KIAA1217: variants seen among roughly 807,000 people sequenced by gnomAD.
KIAA1217 encodes the protein KIAA1217.
Under a neutral mutation model 163.9 loss-of-function variants are expected in KIAA1217, and 88 were observed. The observed-to-expected ratio is 0.54, with a 90% CI of 0.45 to 0.64. KIAA1217 has a LOEUF of 0.64. KIAA1217 is among the 30% of genes least tolerant of loss of function. KIAA1217 has a pLI of 0.00. For synonymous variants in KIAA1217, 903 were observed against 923.1 expected, an observed-to-expected ratio of 0.98 and a Z score of 0.39; for missense variants, 2,372 against 2,475.0, an observed-to-expected ratio of 0.96 and a Z score of 0.88.
At chr10:23,946,989 A>G (rs115259564) in intron 1 of KIAA1217, among the ~76,000 whole-genome samples, 2 of 152,048 alleles carry the variant, frequency 1.3e-5, no homozygotes, top group East Asian at 3.9e-4. Context: ...GTGAGTTCTC[A>G]TAAGATCTGA....
At chr10:24,160,112 G>A (rs766144671) in intron 2 of KIAA1217, among the ~76,000 whole-genome samples, 3 of 152,100 alleles carry the variant, frequency 2.0e-5, no homozygotes, top group African/African-American at 4.8e-5. Flanking sequence ...TCTGGATTAC[G>A]ATAAATGCAT....
At chr10:23,823,088 C>T (rs573681664) in intron 1 of KIAA1217, among the ~76,000 whole-genome samples, 24 of 152,286 alleles carry the variant, frequency 1.6e-4, no homozygotes, top group Admixed American at 1.2e-3. Flanking sequence ...CATGCTTCAC[C>T]TGGGTCCTCT....
intron 2 of KIAA1217, among the ~76,000 whole-genome samples, chr10:24,250,879 A>G (rs1443342578): frequency 5.3e-5 from 8 of 151,042 alleles, no homozygotes; most frequent in Non-Finnish European, 1.2e-4. Context: ...GCTTGAGACC[A>G]GCAATCTGAG....
chr10:24,336,284 G>A (rs2046351341), intron 2 of KIAA1217, among the ~76,000 whole-genome samples: 1 of 152,078 alleles, frequency 6.6e-6, no homozygotes, highest in African/African-American at 2.4e-5. Flanking sequence ...TGGGGCACTT[G>A]GCATCAAGGA....
chr10:23,997,915 C>T (rs1846562400), intron 1 of KIAA1217, among the ~76,000 whole-genome samples: 1 of 151,964 alleles, frequency 6.6e-6, no homozygotes, highest in Non-Finnish European at 1.5e-5. Flanking sequence ...GGAGTGATTT[C>T]TCCAGGGAAC....
At chr10:23,803,763 G>T (rs1177604895) in intron 1 of KIAA1217, among the ~76,000 whole-genome samples, 1 of 152,080 alleles carries the variant, frequency 6.6e-6, no homozygotes, top group Non-Finnish European at 1.5e-5. Context: ...TTAGTGCCTA[G>T]GTCTTTTTTG....
At chr10:24,206,631 T>C (rs1022516152), upstream of KIAA1217, among the ~76,000 whole-genome samples, 4 of 152,336 alleles carry the variant, frequency 2.6e-5, no homozygotes, top group Admixed American at 2.6e-4. Context: ...TAGAAGCTTT[T>C]CCCTATAGAA....
chr10:24,532,955 C>T (rs923519415), intron 15 of KIAA1217, 115 bp from the exon 16 acceptor site: 37 of 861,570 alleles, frequency 4.3e-5, no homozygotes, highest in Middle Eastern at 7.3e-4. Flanking sequence ...GCTATTTTCT[C>T]AGCTAAGATC....
chr10:23,882,982 A>C (rs961960113), intron 1 of KIAA1217, among the ~76,000 whole-genome samples: 1 of 151,950 alleles, frequency 6.6e-6, no homozygotes, highest in African/African-American at 2.4e-5. Context: ...GATGGATTTC[A>C]CTAGAGGGAT....
chr10:24,381,370 C>T (rs943461856), intron 3 of KIAA1217, among the ~76,000 whole-genome samples: 1 of 152,094 alleles, frequency 6.6e-6, no homozygotes, highest in East Asian at 1.9e-4. Flanking sequence ...GTCCCCAGTC[C>T]CCAGGCCATG....
chr10:23,745,945 T>A (rs182767712), intron 1 of KIAA1217, among the ~76,000 whole-genome samples: 91 of 152,338 alleles, frequency 6.0e-4, no homozygotes, highest in African/African-American at 2.1e-3. Context: ...TCCTGATATT[T>A]TATGCCCTTT....
intron 2 of KIAA1217, among the ~76,000 whole-genome samples, chr10:24,120,053 T>C (rs2131774546): frequency 6.6e-6 from 1 of 152,334 alleles, no homozygotes; most frequent in African/African-American, 2.4e-5. Flanking sequence ...CCAAGAAACA[T>C]GATTCCTATG....
At chr10:23,713,333 C>T (rs1328434927) in intron 1 of KIAA1217, among the ~76,000 whole-genome samples, 1 of 152,106 alleles carries the variant, frequency 6.6e-6, no homozygotes, top group Non-Finnish European at 1.5e-5. Context: ...AGAGCTATTG[C>T]TTTCAGCTCC....
At chr10:23,971,630 T>C (rs142379554) in intron 1 of KIAA1217, among the ~76,000 whole-genome samples, 2 of 152,296 alleles carry the variant, frequency 1.3e-5, no homozygotes, top group Non-Finnish European at 2.9e-5. Context: ...ACATGACAGA[T>C]TGTAGACTCT....
At chr10:23,839,170 C>T (rs1370878049) in intron 1 of KIAA1217, among the ~76,000 whole-genome samples, 1 of 152,050 alleles carries the variant, frequency 6.6e-6, no homozygotes, top group Non-Finnish European at 1.5e-5. Context: ...ATCTAGTTCC[C>T]TTTTCTTCTC....
At chr10:24,033,305 A>T (rs141783203) in intron 2 of KIAA1217, among the ~76,000 whole-genome samples, 1 of 152,324 alleles carries the variant, frequency 6.6e-6, no homozygotes, top group East Asian at 1.9e-4. Context: ...CTTTGTCTTG[A>T]ATCTAGGAAG....
At position 24,473,430 on chromosome 10, in the gene KIAA1217, G is replaced by A; in HGVS notation, c.1049G>A (p.Arg350Lys). The A allele has an allele frequency of 6.2e-7, 1 of 1,614,104 alleles. No homozygotes were observed. Among genetic ancestry groups the A allele is most frequent in the Non-Finnish European group, 8.5e-7 (1 of 1,180,010 alleles). ...VPGNATIPRD[R>K]ISSLPVSRPI... Reference sequence around the variant, plus strand: ...GGCAATGCCACCATCCCCAGGGACAGAATCTCCAGCCTGCCAGTCTCCAGA... The same window carrying A: ...GGCAATGCCACCATCCCCAGGGACAAAATCTCCAGCCTGCCAGTCTCCAGA... Residue 350 changes from arginine to lysine, a missense_variant, in exon 6 of 21, where the codon AGA (arginine) becomes AAA (lysine). Arg to Lys is a conservative substitution (Grantham distance 26, BLOSUM62 2). Transcript: ENST00000376454.
chr10:24,057,382 A>G (rs1010512397), intron 2 of KIAA1217, among the ~76,000 whole-genome samples: 4 of 152,238 alleles, frequency 2.6e-5, no homozygotes, highest in Non-Finnish European at 2.9e-5. Context: ...AAATTCGTTC[A>G]TCTTGCATAA....
At chr10:23,803,384 G>T (rs929616197) in intron 1 of KIAA1217, among the ~76,000 whole-genome samples, 2 of 152,166 alleles carry the variant, frequency 1.3e-5, no homozygotes, top group Admixed American at 6.5e-5. Context: ...CCACACCAGG[G>T]GCAGCCCCCG....
Sources: allele counts gnomAD v4.1 joint callset (sites outside exome capture counted in the v4.1 genomes callset), GRCh38; gene constraint gnomAD v4.1.1; transcripts MANE v1.5; gene names NCBI Gene and HGNC (gene_info 2026-07-23, HGNC 2026-07-21).